Variants in ARHGAP19 observed in about 807,000 individuals in gnomAD.
ARHGAP19 encodes the protein rho GTPase-activating protein 19.
In ARHGAP19, 48 loss-of-function variants were observed where a neutral mutation model predicts 60.9. That is an observed-to-expected ratio of 0.79 (90% CI 0.62 to 1.00). The LOEUF (loss-of-function observed/expected upper bound fraction) is 1.00. ARHGAP19 is among the 50% of genes least tolerant of loss of function. ARHGAP19 has a pLI of 0.00. For missense variants in ARHGAP19, 562 were observed against 597.2 expected (o/e 0.94, Z 0.61); for synonymous variants, 209 against 215.5 (o/e 0.97, Z 0.27).
chr10:97,234,576 T>G (rs976420736), intron 9 of ARHGAP19, among the ~76,000 whole-genome samples: 10 of 152,200 alleles, frequency 6.6e-5, no homozygotes, highest in African/African-American at 1.9e-4. Context: ...AACCCCATGA[T>G]CAAGTTATCT....
Position 97,266,235 on chromosome 10 carries a change from T to C in ARHGAP19, c.57-110A>G, listed in dbSNP as rs1243463295. On this transcript the variant is annotated intron_variant, in intron 1 of 11. Coordinates refer to ENST00000358531, the MANE Select transcript of ARHGAP19 (RefSeq NM_032900.6). ...CCACGCAAAGGCAGAGGTTTCCTTA[T>C]AGTCAGCTTCCTTTAACTGAGCCAG... 1.7e-5 allele frequency: 23 copies of C among 1,316,862 alleles called. 1 individual carries two copies. The highest frequency in any genetic ancestry group is 2.8e-5 in the South Asian group (2 of 71,614). 81.6% of individuals were successfully genotyped at this position (1,316,862 alleles called of 1,614,324 possible).
At chr10:97,266,240 A>G in intron 1 of ARHGAP19, 115 bp from the exon 2 acceptor site, 2 of 1,263,214 alleles carry the variant, frequency 1.6e-6, no homozygotes, top group Admixed American at 4.1e-5. Context: ...CCTTATAGTC[A>G]GCTTCCTTTA....
In ARHGAP19 at chr10:97,224,958, C is replaced by T. The variant is rs1314736577; in HGVS notation, c.*1164G>A. ...AGTAACACTCCTTGAACATTGGTGA[C>T]AAGCCACAGCTGCTTCCAAATAAGA... is the stretch of plus-strand genomic sequence containing the variant. On this transcript the variant is annotated 3_prime_UTR_variant, in exon 12 of 12. Transcript: ENST00000358531. 1 of 152,270 alleles carries T rather than the reference C, an allele frequency of 6.6e-6. No homozygotes were observed. The highest frequency in any genetic ancestry group is 1.9e-4 in the East Asian group (1 of 5,202). 9.4% of individuals were successfully genotyped at this position (152,270 alleles called of 1,614,324 possible).
chr10:97,292,430 CCCCCGCAG>C, intron 1 of ARHGAP19, 134 bp downstream of exon 1: 2 of 1,118,060 alleles, frequency 1.8e-6, no homozygotes, highest in Non-Finnish European at 2.6e-6. Flanking sequence ...CGCGCCTCAG[CCCCCGCAG>C]GCGCGACGAT....
chr10:97,234,079 C>A (rs1233443148), intron 9 of ARHGAP19, among the ~76,000 whole-genome samples: 6 of 150,604 alleles, frequency 4.0e-5, no homozygotes, highest in Non-Finnish European at 8.9e-5. Context: ...CCAGCCTGGC[C>A]GACATGGTGA....
intron 6 of ARHGAP19, among the ~76,000 whole-genome samples, chr10:97,255,589 G>A (rs1842742619): frequency 6.6e-6 from 1 of 152,014 alleles, no homozygotes; most frequent in Non-Finnish European, 1.5e-5. Context: ...AAAAAAAGAT[G>A]CTAAAATTAA....
rs988078870 is a variant in ARHGAP19 at position 97,224,517 on chromosome 10, C to G, written c.*1605G>C. 1.3e-5 allele frequency: 2 copies of G among 152,248 alleles called. No individual in the cohort carries two copies. The highest frequency in any genetic ancestry group is 4.8e-5 in the African/African-American group (2 of 41,468). 9.4% of individuals were successfully genotyped at this position (152,248 alleles called of 1,614,324 possible). On this transcript the variant is annotated 3_prime_UTR_variant, in exon 12 of 12. Transcript: ENST00000358531. Reference sequence around the variant, plus strand: ...AATTTTACATTTTTCTCCACTATTGCTGTTACAGCAGCAAAAGCAGCAGAA... The same window carrying G: ...AATTTTACATTTTTCTCCACTATTGGTGTTACAGCAGCAAAAGCAGCAGAA...
At chr10:97,290,499 G>C (rs1488298565) in intron 1 of ARHGAP19, among the ~76,000 whole-genome samples, 3 of 152,152 alleles carry the variant, frequency 2.0e-5, no homozygotes, top group Non-Finnish European at 4.4e-5. Flanking sequence ...CATGGCCCAA[G>C]ATTCCATTCC....
At chr10:97,228,636 C>T (rs2134802033) in intron 11 of ARHGAP19, among the ~76,000 whole-genome samples, 1 of 152,242 alleles carries the variant, frequency 6.6e-6, no homozygotes, top group East Asian at 1.9e-4. Context: ...GAGCCTGGGA[C>T]AATCAGCAGT....
intron 2 of ARHGAP19, 53 bp downstream of exon 2, chr10:97,265,807 G>C: frequency 6.3e-7 from 1 of 1,575,464 alleles, no homozygotes; most frequent in African/African-American, 1.4e-5. Flanking sequence ...TGTTGAGAGA[G>C]AAGCCCAGGG....
At chr10:97,259,369 C>A (rs770105543) in intron 5 of ARHGAP19, 33 bp downstream of exon 5, 4 of 1,560,656 alleles carry the variant, frequency 2.6e-6, no homozygotes. Flanking sequence ...CCAAGAAAAC[C>A]AAGCAATCTT....
chr10:97,267,678 C>T (rs541275138), intron 1 of ARHGAP19, among the ~76,000 whole-genome samples: 4 of 152,370 alleles, frequency 2.6e-5, no homozygotes, highest in Admixed American at 1.3e-4. Flanking sequence ...TCTGTGCACC[C>T]GCAGGCCCAA....
In ARHGAP19 at chr10:97,229,850, T is replaced by A. The variant is rs746100796; in HGVS notation, c.1309A>T (p.Met437Leu). The A allele has an allele frequency of 6.2e-7, 1 of 1,611,886 alleles. No individual in the cohort carries two copies. The highest frequency in any genetic ancestry group is 1.1e-5 in the South Asian group (1 of 90,824). ...GGGTTCTTCTTTTTCTTTTCTGACA[T>A]CATCTGATTTCCCAGGACCTTCCGC... Reference protein sequence around the residue: ...IKRKVLGNQMMSEKKKKNPTP... With the variant: ...IKRKVLGNQMLSEKKKKNPTP... Residue 437 changes from methionine (M) to leucine (L), a missense_variant, in exon 10 of 12, where the codon ATG becomes TTG. By Grantham distance (15) the Met-to-Leu change is conservative. Coordinates refer to ENST00000358531, the MANE Select transcript of ARHGAP19 (RefSeq NM_032900.6).
intron 1 of ARHGAP19, among the ~76,000 whole-genome samples, chr10:97,270,152 C>T (rs1270461567): frequency 2.0e-5 from 3 of 152,140 alleles, no homozygotes; most frequent in Non-Finnish European, 4.4e-5. Context: ...TGTAAACAAT[C>T]TCAGTTTCTT....
intron 7 of ARHGAP19, 96 bp from the exon 8 acceptor site, chr10:97,244,255 G>T: frequency 1.1e-6 from 1 of 950,126 alleles, no homozygotes; most frequent in Non-Finnish European, 1.6e-6. Context: ...GGAGAGTGGG[G>T]ACATGGTATA....
intron 1 of ARHGAP19, among the ~76,000 whole-genome samples, chr10:97,272,188 T>C (rs1029468395): frequency 7.6e-6 from 1 of 130,904 alleles, no homozygotes; most frequent in African/African-American, 2.9e-5. Context: ...CGAACTGGAG[T>C]GCAGTGGCAC....
At position 97,259,501 on chromosome 10, in the gene ARHGAP19, A is replaced by AGCAAAGAACTTC. The variant is rs1842799422; in HGVS notation, c.740_741insGAAGTTCTTTGC (p.Leu247_Asp248insLysPhePheAla). 6.2e-7 allele frequency: 1 copy of AGCAAAGAACTTC among 1,614,084 alleles called. No homozygotes were observed. The highest frequency in any genetic ancestry group is 8.5e-7 in the Non-Finnish European group (1 of 1,180,044). On this transcript the variant is annotated inframe_insertion, in exon 5 of 12. Transcript: ENST00000358531. ...TCTTTGCTGTCTGGTATAGGAGATC[A>AGCAAAGAACTTC]AGCAATAACTTCAGCAAATTACGAT...
chr10:97,256,075 A>G (rs1842748731), intron 6 of ARHGAP19, among the ~76,000 whole-genome samples: 1 of 152,164 alleles, frequency 6.6e-6, no homozygotes, highest in African/African-American at 2.4e-5. Flanking sequence ...CCTTTGTGAA[A>G]AAGGAAGAAT....
intron 8 of ARHGAP19, 133 bp downstream of exon 8, chr10:97,243,835 G>T: frequency 1.2e-6 from 1 of 800,838 alleles, no homozygotes; most frequent in Non-Finnish European, 1.9e-6. Flanking sequence ...GATCACTGTG[G>T]AGATTCCATA....
Sources: gnomAD v4.1 joint callset for allele counts (sites outside exome capture counted in the v4.1 genomes callset) on GRCh38, gnomAD v4.1.1 for gene constraint, MANE v1.5 for transcripts, NCBI Gene and HGNC (gene_info 2026-07-23, HGNC 2026-07-21) for gene names.